The following FSTL5 variants were observed in gnomAD, a reference collection of about 807,000 sequenced individuals.
FSTL5 encodes follistatin like 5, also known as follistatin-related protein 5.
FSTL5 carries 62 observed loss-of-function variants against 89.1 expected under a neutral mutation model. The ratio of observed to expected loss-of-function variants is 0.70; its 90% CI spans 0.57 to 0.86. The LOEUF is 0.86. Among genes scored for constraint, FSTL5 ranks in the 40% least tolerant of loss-of-function variants. FSTL5 has a pLI of 0.00. For synonymous variants in FSTL5, 383 were observed against 346.2 expected, an observed-to-expected ratio of 1.11 and a Z score of -1.18; for missense variants, 1,057 against 1,001.6, an observed-to-expected ratio of 1.06 and a Z score of -0.75.
chr4:161,515,600 T>G (rs1163606177), intron 10 of FSTL5, among the ~76,000 whole-genome samples: 2 of 150,754 alleles, frequency 1.3e-5, no homozygotes, highest in African/African-American at 2.4e-5. Context: ...TAAATATAAT[T>G]TTTCATTCCT....
chr4:161,762,644 A>G (rs192878028), intron 5 of FSTL5, among the ~76,000 whole-genome samples: 4 of 152,364 alleles, frequency 2.6e-5, no homozygotes, highest in Admixed American at 2.0e-4. Flanking sequence ...GTGGTATAAG[A>G]GATAACAAGA....
chr4:161,937,525 A>G (rs1013656185), intron 3 of FSTL5, among the ~76,000 whole-genome samples: 4 of 152,206 alleles, frequency 2.6e-5, no homozygotes, highest in Admixed American at 2.6e-4. Flanking sequence ...ACAAGCCTCC[A>G]GAAAGAAAAA....
At chr4:161,783,109 T>C (rs746744724) in intron 4 of FSTL5, among the ~76,000 whole-genome samples, 3 of 152,088 alleles carry the variant, frequency 2.0e-5, no homozygotes, top group Non-Finnish European at 2.9e-5. Context: ...AATGGTGAAA[T>C]TGATGATATG....
At position 161,914,120 on chromosome 4, in the gene FSTL5, T is replaced by C. The variant is rs143992089; in HGVS notation, c.409+6284A>G. On this transcript the variant is annotated intron_variant, in intron 4 of 15. Coordinates refer to ENST00000306100, the MANE Select transcript of FSTL5 (RefSeq NM_020116.5). ...TTGTATCTCCCAGAATTCCACGTGCTGTGGGAGAGACAAAGTAGAAGAAAA... is the reference window on the plus strand; with the variant it reads ...TTGTATCTCCCAGAATTCCACGTGCCGTGGGAGAGACAAAGTAGAAGAAAA... Among the ~76,000 whole-genome samples the C allele has an allele frequency of 1.7e-4, 26 of 152,282 alleles. No homozygotes were observed. In the East Asian group the frequency reaches 4.6e-3, roughly 27 times the overall value.
chr4:161,778,209 G>A (rs1392944804), intron 4 of FSTL5, among the ~76,000 whole-genome samples: 1 of 151,680 alleles, frequency 6.6e-6, no homozygotes, highest in African/African-American at 2.4e-5. Context: ...CTCATGATGA[G>A]GTCTTTATAA....
intron 4 of FSTL5, among the ~76,000 whole-genome samples, chr4:161,803,913 T>C (rs775392687): frequency 1.3e-5 from 2 of 152,030 alleles, no homozygotes; most frequent in Non-Finnish European, 2.9e-5. Context: ...ATTTTTCTTT[T>C]TCTAGAGGCT....
At position 161,974,251 on chromosome 4, in the gene FSTL5, A is replaced by G. The variant is rs1735567507; in HGVS notation, c.161-53599T>C. ...AATGACTTTCTTCACAGAATTGGAAAAAACTACTTTAAAGTTCACATGGAA... is the reference window on the plus strand; with the variant it reads ...AATGACTTTCTTCACAGAATTGGAAGAAACTACTTTAAAGTTCACATGGAA... On this transcript the variant is annotated intron_variant, in intron 3 of 15. Coordinates refer to ENST00000306100, the MANE Select transcript of FSTL5 (RefSeq NM_020116.5). Among the ~76,000 whole-genome samples, 3 of 152,204 alleles carry G rather than the reference A, an allele frequency of 2.0e-5. 1 individual carries two copies. Among genetic ancestry groups the G allele is most frequent in the African/African-American group, 7.2e-5 (3 of 41,446 alleles).
intron 3 of FSTL5, among the ~76,000 whole-genome samples, chr4:162,004,698 C>T (rs1488857688): frequency 6.6e-6 from 1 of 152,096 alleles, no homozygotes; most frequent in African/African-American, 2.4e-5. Flanking sequence ...ATTTTCTGTG[C>T]TGAATACATT....
intron 6 of FSTL5, among the ~76,000 whole-genome samples, chr4:161,725,292 T>G (rs1030138416): frequency 2.0e-5 from 3 of 152,196 alleles, no homozygotes. Flanking sequence ...GGCAAAACTC[T>G]TCAATACCAT....
At chr4:161,636,843 T>C (rs1489220938) in intron 7 of FSTL5, among the ~76,000 whole-genome samples, 2 of 117,658 alleles carry the variant, frequency 1.7e-5, no homozygotes, top group Admixed American at 9.5e-5. Context: ...GTGCCACATT[T>C]TCTTAATCCA....
intron 6 of FSTL5, among the ~76,000 whole-genome samples, chr4:161,726,645 T>G (rs1739429302): frequency 6.6e-6 from 1 of 152,174 alleles, no homozygotes; most frequent in African/African-American, 2.4e-5. Context: ...TTGCATCACA[T>G]AGGACTATTA....
chr4:161,480,731 T>TAGAC (rs1446675351), intron 13 of FSTL5, among the ~76,000 whole-genome samples: 16 of 152,172 alleles, frequency 1.1e-4, no homozygotes, highest in African/African-American at 3.9e-4. Context: ...TTCCTTGCTC[T>TAGAC]AGACAGAATA....
chr4:162,048,879 C>T (rs1342918574), intron 2 of FSTL5, among the ~76,000 whole-genome samples: 1 of 152,046 alleles, frequency 6.6e-6, no homozygotes, highest in African/African-American at 2.4e-5. Context: ...TCAGCTGATG[C>T]TGAAACTGTA....
chr4:161,850,411 T>A (rs1229680478), intron 4 of FSTL5, among the ~76,000 whole-genome samples: 1 of 152,194 alleles, frequency 6.6e-6, no homozygotes, highest in African/African-American at 2.4e-5. Flanking sequence ...TTCAGCATGA[T>A]AAGACAAGGT....
intron 13 of FSTL5, among the ~76,000 whole-genome samples, chr4:161,472,137 C>A (rs568471634): frequency 1.3e-5 from 2 of 151,958 alleles, no homozygotes; most frequent in African/African-American, 2.4e-5. Context: ...CCACCACGCC[C>A]GGCTAATTTT....
intron 3 of FSTL5, among the ~76,000 whole-genome samples, chr4:162,006,242 G>A (rs1736612759): frequency 6.6e-6 from 1 of 151,736 alleles, no homozygotes; most frequent in African/African-American, 2.4e-5. Context: ...CAACTTTATT[G>A]TTAATAACAT....
intron 4 of FSTL5, among the ~76,000 whole-genome samples, chr4:161,862,625 G>T (rs755890170): frequency 6.6e-6 from 1 of 152,052 alleles, no homozygotes; most frequent in Non-Finnish European, 1.5e-5. Context: ...CCAGCTACTC[G>T]TGAGGCTGAG....
At chr4:162,007,901 A>AAC (rs1384876583) in intron 3 of FSTL5, among the ~76,000 whole-genome samples, 7 of 151,810 alleles carry the variant, frequency 4.6e-5, no homozygotes, top group African/African-American at 1.7e-4. Context: ...GGTCAAACTA[A>AAC]ACTAGTTGTC....
At chr4:161,768,846 G>C (rs541443920) in intron 5 of FSTL5, among the ~76,000 whole-genome samples, 60 of 151,320 alleles carry the variant, frequency 4.0e-4, no homozygotes, top group African/African-American at 1.5e-3. Context: ...ATAAAAATTA[G>C]AACAGAAATA....
Sources: allele counts gnomAD v4.1 joint callset (sites outside exome capture counted in the v4.1 genomes callset), GRCh38; gene constraint gnomAD v4.1.1; transcripts MANE v1.5; gene names NCBI Gene and HGNC (gene_info 2026-07-23, HGNC 2026-07-21).